The following CTNND2 variants were observed in gnomAD, a reference collection of about 807,000 sequenced individuals.
CTNND2 encodes the protein catenin delta 2, also known as catenin delta-2.
Under a neutral mutation model 144.4 loss-of-function variants are expected in CTNND2, and 22 were observed. The ratio of observed to expected loss-of-function variants is 0.15; its 90% CI spans 0.11 to 0.22. The LOEUF is 0.22. Among genes scored for constraint, CTNND2 ranks in the 10% least tolerant of loss-of-function variants. CTNND2 has a pLI of 1.00. For missense variants in CTNND2, 1,353 were observed against 1,618.8 expected, an observed-to-expected ratio of 0.84 and a Z score of 2.82; for synonymous variants, 751 against 695.6, an observed-to-expected ratio of 1.08 and a Z score of -1.25.
At chr5:11,884,847 T>C (rs1736400009) in intron 1 of CTNND2, among the ~76,000 whole-genome samples, 1 of 152,342 alleles carries the variant, frequency 6.6e-6, no homozygotes, top group South Asian at 2.1e-4. Context: ...TATAACTAAT[T>C]TGTTGAAAGT....
chr5:11,821,739 T>C (rs1793322970), intron 1 of CTNND2, among the ~76,000 whole-genome samples: 1 of 152,196 alleles, frequency 6.6e-6, no homozygotes, highest in Admixed American at 6.5e-5. Flanking sequence ...CTAAAATCAG[T>C]ATAAGAGAGA....
At chr5:11,277,714 T>C (rs1746691002) in intron 9 of CTNND2, among the ~76,000 whole-genome samples, 1 of 151,920 alleles carries the variant, frequency 6.6e-6, no homozygotes, top group South Asian at 2.1e-4. Flanking sequence ...GTATTTTTAG[T>C]CGAGTCAGGA....
intron 1 of CTNND2, among the ~76,000 whole-genome samples, chr5:11,798,507 G>A (rs919706547): frequency 1.3e-5 from 2 of 152,152 alleles, no homozygotes; most frequent in African/African-American, 2.4e-5. Flanking sequence ...AGTGGCTCAC[G>A]CCTGTAATCC....
intron 10 of CTNND2, among the ~76,000 whole-genome samples, chr5:11,229,719 C>T (rs1387419774): frequency 1.3e-5 from 2 of 148,942 alleles, no homozygotes; most frequent in East Asian, 2.0e-4. Context: ...CATATATATA[C>T]AACTGTGTAT....
At chr5:11,480,281 A>G (rs1203056540) in intron 3 of CTNND2, among the ~76,000 whole-genome samples, 2 of 152,160 alleles carry the variant, frequency 1.3e-5, no homozygotes, top group Non-Finnish European at 2.9e-5. Flanking sequence ...TTACCCAATG[A>G]TTGTTTTTGT....
chr5:11,715,054 G>T (rs1786276495), intron 2 of CTNND2, among the ~76,000 whole-genome samples: 1 of 152,144 alleles, frequency 6.6e-6, no homozygotes, highest in South Asian at 2.1e-4. Flanking sequence ...AATACCTTAA[G>T]ATTTTGAGAG....
chr5:11,036,625 G>A (rs186227418), intron 16 of CTNND2, among the ~76,000 whole-genome samples: 16 of 152,180 alleles, frequency 1.1e-4, no homozygotes, highest in Non-Finnish European at 2.1e-4. Context: ...ATTTCACCAC[G>A]TTGGCCACAC....
rs1561755551 is a variant in CTNND2, at chr5:11,744,685, T to TTTG, written c.38-12414_38-12413insCAA. On this transcript the variant is annotated intron_variant, in intron 1 of 21. Coordinates refer to ENST00000304623, the MANE Select transcript of CTNND2 (RefSeq NM_001332.4). Reference sequence around the variant, plus strand: ...TGAAGAGGAGTGTGTGTGTGTGTGTTTGTGTGTGTGCGTGTGTGTGTGTGT... The same window carrying TTTG: ...TGAAGAGGAGTGTGTGTGTGTGTGTTTTGTGTGTGTGTGCGTGTGTGTGTGTGT... Among the ~76,000 whole-genome samples the TTTG allele has an allele frequency of 7.9e-4, 117 of 147,836 alleles. 2 individuals are homozygous for TTTG. Among genetic ancestry groups the TTTG allele is most frequent in the African/African-American group, 1.8e-3 (68 of 38,172 alleles).
At chr5:11,708,841 G>A (rs1394884290) in intron 2 of CTNND2, among the ~76,000 whole-genome samples, 4 of 152,076 alleles carry the variant, frequency 2.6e-5, no homozygotes, top group Non-Finnish European at 4.4e-5. Context: ...GCCCCCTCCC[G>A]TGACCCACAG....
chr5:11,413,319 T>A (rs1361395155), intron 3 of CTNND2, among the ~76,000 whole-genome samples: 2 of 152,172 alleles, frequency 1.3e-5, no homozygotes, highest in African/African-American at 4.8e-5. Flanking sequence ...ATAAAAACCT[T>A]TTAAAAATTA....
intron 3 of CTNND2, among the ~76,000 whole-genome samples, chr5:11,526,579 C>T (rs181123620): frequency 6.6e-6 from 1 of 152,236 alleles, no homozygotes; most frequent in Admixed American, 6.5e-5. Context: ...CTAGAGTTTG[C>T]CACACGCCAG....
At chr5:11,775,736 G>C (rs983395849) in intron 1 of CTNND2, among the ~76,000 whole-genome samples, 5 of 152,164 alleles carry the variant, frequency 3.3e-5, no homozygotes, top group Admixed American at 2.6e-4. Flanking sequence ...TGCAGCCTTG[G>C]GGCGCTGGGA....
chr5:11,579,572 C>T (rs1417525248), intron 2 of CTNND2, among the ~76,000 whole-genome samples: 1 of 152,150 alleles, frequency 6.6e-6, no homozygotes, highest in Non-Finnish European at 1.5e-5. Flanking sequence ...CCCATCAAGG[C>T]AGTTGGGCTG....
chr5:11,301,527 T>TCATAGTGCTGCCTGTGAC (rs1749608267), intron 9 of CTNND2, among the ~76,000 whole-genome samples: 1 of 152,222 alleles, frequency 6.6e-6, no homozygotes, highest in African/African-American at 2.4e-5. Flanking sequence ...TTTGGAGAAC[T>TCATAGTGCTGCCTGTGAC]TCATCAAGCT....
chr5:11,801,619 G>T (rs1292401033), intron 1 of CTNND2, among the ~76,000 whole-genome samples: 1 of 152,112 alleles, frequency 6.6e-6, no homozygotes, highest in East Asian at 1.9e-4. Context: ...AACTCCATAG[G>T]CAGCAACCAA....
chr5:11,796,252 C>A (rs1309789767), intron 1 of CTNND2, among the ~76,000 whole-genome samples: 1 of 152,208 alleles, frequency 6.6e-6, no homozygotes, highest in Non-Finnish European at 1.5e-5. Flanking sequence ...GTCACATGTT[C>A]ACAGGTTCCA....
chr5:11,774,901 A>G (rs1790165605), intron 1 of CTNND2, among the ~76,000 whole-genome samples: 1 of 152,166 alleles, frequency 6.6e-6, no homozygotes, highest in African/African-American at 2.4e-5. Context: ...GCAATGTTCT[A>G]ACTACATACA....
intron 3 of CTNND2, among the ~76,000 whole-genome samples, chr5:11,560,699 A>C (rs1349646176): frequency 6.6e-6 from 1 of 152,208 alleles, no homozygotes; most frequent in African/African-American, 2.4e-5. Flanking sequence ...GCTGATCGAG[A>C]AGACATTCAG....
At chr5:11,674,579 A>G (rs1006589348) in intron 2 of CTNND2, among the ~76,000 whole-genome samples, 1 of 152,236 alleles carries the variant, frequency 6.6e-6, no homozygotes, top group Non-Finnish European at 1.5e-5. Context: ...TGTGCATTCT[A>G]TGGGTTTGAA....
Sources: gnomAD v4.1 joint callset for allele counts (sites outside exome capture counted in the v4.1 genomes callset) on GRCh38, gnomAD v4.1.1 for gene constraint, MANE v1.5 for transcripts, NCBI Gene and HGNC (gene_info 2026-07-23, HGNC 2026-07-21) for gene names.